HIVEP3: variants seen among roughly 807,000 people sequenced by gnomAD.
HIVEP3 encodes transcription factor HIVEP3.
In HIVEP3, 49 loss-of-function variants were observed where a neutral mutation model predicts 152.8. The ratio of observed to expected loss-of-function variants is 0.32; its 90% CI spans 0.26 to 0.41. The LOEUF (loss-of-function observed/expected upper bound fraction) is 0.41. Among genes scored for constraint, HIVEP3 ranks in the 10% least tolerant of loss-of-function variants. The pLI is 1.00. For synonymous variants in HIVEP3, 1,269 were observed against 1,289.0 expected, an observed-to-expected ratio of 0.98 and a Z score of 0.33; for missense variants, 2,790 against 3,103.3, an observed-to-expected ratio of 0.90 and a Z score of 2.40.
At chr1:42,010,325 G>A (rs1206157683) in intron 1 of HIVEP3, among the ~76,000 whole-genome samples, 1 of 152,090 alleles carries the variant, frequency 6.6e-6, no homozygotes, top group Non-Finnish European at 1.5e-5. Context: ...CTCTTATGTT[G>A]TTGATCTCCC....
chr1:42,008,397 C>T lies in HIVEP3; in HGVS notation n.119+27410G>A, dbSNP rs527507877. Among the ~76,000 whole-genome samples the T allele has an allele frequency of 7.2e-5, 11 of 152,318 alleles. No individual in the cohort carries two copies. In the East Asian group the frequency reaches 1.4e-3, roughly 19 times the overall value. ...AAGGAAAGGCATATGCAGCATCATACGATAAAGCCATTATTAGTTCTCAGC... is the reference window on the plus strand; with the variant it reads ...AAGGAAAGGCATATGCAGCATCATATGATAAAGCCATTATTAGTTCTCAGC... On this transcript the variant is annotated intron_variant and non_coding_transcript_variant, in intron 1 of 3. Coordinates refer to the HIVEP3 transcript ENST00000489103.
chr1:41,741,603 C>T (rs1646997257), intron 1 of HIVEP3, among the ~76,000 whole-genome samples: 1 of 152,226 alleles, frequency 6.6e-6, no homozygotes, highest in Admixed American at 6.5e-5. Flanking sequence ...AGAGAGGTAG[C>T]CCATGATACA....
chr1:41,584,761 C>G lies in HIVEP3; in HGVS notation c.37G>C (p.Ala13Pro), dbSNP rs116266551. ...AGCCGCTTCCGGGGACTTCCCTCAGCCTTCTTGGTGCCCTTGACACTTTGT... is the reference window on the plus strand; with the variant it reads ...AGCCGCTTCCGGGGACTTCCCTCAGGCTTCTTGGTGCCCTTGACACTTTGT... ...PEQSVKGTKK[A>P]EGSPRKRLTK... Residue 13 changes from alanine (A) to proline (P), a missense_variant, in exon 4 of 9, where the codon GCT becomes CCT. Physicochemically the swap from Ala to Pro is conservative, Grantham distance 27 (BLOSUM62 -1). Coordinates refer to ENST00000372583, the MANE Select transcript of HIVEP3 (RefSeq NM_024503.5). The surrounding 1 kb of genome is among the most constrained non-coding windows in gnomAD (Gnocchi z 5.2). 4 of 1,518,392 alleles carry G rather than the reference C, an allele frequency of 2.6e-6. No individual in the cohort carries two copies. In the East Asian group the frequency reaches 9.1e-5, roughly 34 times the overall value. 94.1% of individuals were successfully genotyped at this position (1,518,392 alleles called of 1,614,324 possible). A position where few individuals can be genotyped will look rare whatever the true frequency, so the allele number is the denominator to read the frequency against.
intron 2 of HIVEP3, among the ~76,000 whole-genome samples, chr1:41,645,456 A>G (rs1645444786): frequency 6.6e-6 from 1 of 152,154 alleles, no homozygotes; most frequent in East Asian, 1.9e-4. Flanking sequence ...CCTGCCTTCC[A>G]TATTTTACTG....
chr1:41,740,756 G>A (rs917888915), intron 1 of HIVEP3, among the ~76,000 whole-genome samples: 1 of 152,218 alleles, frequency 6.6e-6, no homozygotes, highest in Non-Finnish European at 1.5e-5. Flanking sequence ...GGGAACAGGA[G>A]CACTGCACAA....
chr1:41,550,649 A>C (rs1643884770), intron 5 of HIVEP3, among the ~76,000 whole-genome samples: 1 of 152,070 alleles, frequency 6.6e-6, no homozygotes, highest in Admixed American at 6.6e-5. Flanking sequence ...TGTGAATGGG[A>C]GTTCACTCAT....
rs1398261278 is a variant in HIVEP3 at position 41,510,180 on chromosome 1, C to T, written c.*271G>A. ...TTCACCATCAGCCTTTCCCCAAAAC[C>T]ATAAACTATTCACAGCCTCAGACTC... On this transcript the variant is annotated 3_prime_UTR_variant, in exon 9 of 9. Coordinates refer to ENST00000372583, the MANE Select transcript of HIVEP3 (RefSeq NM_024503.5). 3.1e-6 allele frequency: 1 copy of T among 318,214 alleles called. No homozygotes were observed. Among genetic ancestry groups the T allele is most frequent in the Non-Finnish European group, 5.7e-6 (1 of 176,376 alleles). 19.7% of individuals were successfully genotyped at this position (318,214 alleles called of 1,614,324 possible).
At chr1:42,025,314 A>G (rs1186658359) in intron 1 of HIVEP3, among the ~76,000 whole-genome samples, 1 of 152,160 alleles carries the variant, frequency 6.6e-6, no homozygotes, top group Non-Finnish European at 1.5e-5. Context: ...GGAAACCACT[A>G]CATTTTAAAA....
chr1:41,558,411 G>A (rs1368503931), intron 5 of HIVEP3, among the ~76,000 whole-genome samples: 4 of 152,156 alleles, frequency 2.6e-5, no homozygotes, highest in African/African-American at 4.8e-5. Flanking sequence ...TCCTGAGCTC[G>A]CCAGCTACAC....
chr1:41,579,489 A>G (rs1644367559), intron 4 of HIVEP3, among the ~76,000 whole-genome samples: 1 of 152,224 alleles, frequency 6.6e-6, no homozygotes, highest in South Asian at 2.1e-4. Flanking sequence ...AATTCATGGC[A>G]GAGCAGGATC....
intron 2 of HIVEP3, among the ~76,000 whole-genome samples, chr1:41,644,749 A>T (rs1338767877): frequency 2.5e-5 from 2 of 79,590 alleles, no homozygotes; most frequent in East Asian, 4.4e-4. Flanking sequence ...CTAGGCCTTT[A>T]TCATTCTCAT....
intron 2 of HIVEP3, among the ~76,000 whole-genome samples, chr1:41,651,336 G>A (rs1645545552): frequency 6.6e-6 from 1 of 150,812 alleles, no homozygotes; most frequent in Admixed American, 6.6e-5. Context: ...GCTTGAACTT[G>A]GGAGGTGGAA....
intron 2 of HIVEP3, among the ~76,000 whole-genome samples, chr1:41,636,081 T>G (rs962506996): frequency 1.3e-5 from 2 of 152,210 alleles, no homozygotes; most frequent in Non-Finnish European, 2.9e-5. Flanking sequence ...TGGGCATTGT[T>G]CTGGGCACTG....
intron 1 of HIVEP3, among the ~76,000 whole-genome samples, chr1:42,030,651 C>T (rs1238283254): frequency 6.6e-6 from 1 of 152,100 alleles, no homozygotes; most frequent in Non-Finnish European, 1.5e-5. Flanking sequence ...TCACACATGT[C>T]GATTATCGGT....
chr1:41,787,626 T>C (rs1408829782), intron 1 of HIVEP3, among the ~76,000 whole-genome samples: 1 of 151,364 alleles, frequency 6.6e-6, no homozygotes, highest in African/African-American at 2.4e-5. Flanking sequence ...CTCAAACTCC[T>C]GAGCTCCAGC....
At chr1:41,819,920 T>G (rs150949600) in intron 1 of HIVEP3, among the ~76,000 whole-genome samples, 2,366 of 152,296 alleles carry the variant, frequency 0.016, 75 homozygotes, top group African/African-American at 0.055. Context: ...ACTTTCAGCT[T>G]TGCAGGCCAT....
intron 1 of HIVEP3, among the ~76,000 whole-genome samples, chr1:41,703,190 A>G (rs974091388): frequency 1.4e-4 from 21 of 152,238 alleles, no homozygotes; most frequent in African/African-American, 5.1e-4. Context: ...GAAACGGACC[A>G]AGGCTCTGCT....
chr1:41,955,709 A>G (rs1039017423), intron 1 of HIVEP3, among the ~76,000 whole-genome samples: 1 of 152,206 alleles, frequency 6.6e-6, no homozygotes, highest in African/African-American at 2.4e-5. Context: ...CCTTTCTTTA[A>G]TAATGAACGT....
chr1:41,838,763 G>A (rs1643200927), intron 1 of HIVEP3, among the ~76,000 whole-genome samples: 1 of 152,174 alleles, frequency 6.6e-6, no homozygotes, highest in East Asian at 1.9e-4. Flanking sequence ...GACACAGTGA[G>A]AGGAAGGACT....
Sources: gnomAD v4.1 joint callset for allele counts (sites outside exome capture counted in the v4.1 genomes callset) on GRCh38, gnomAD v4.1.1 for gene constraint, Gnocchi (gnomAD v3.1) non-coding constraint, MANE v1.5 for transcripts, NCBI Gene and HGNC (gene_info 2026-07-23, HGNC 2026-07-21) for gene names.